Variants in DNER observed in about 807,000 individuals in gnomAD.
DNER encodes the protein delta and Notch-like epidermal growth factor-related receptor.
In DNER, 33 loss-of-function variants were observed where a neutral mutation model predicts 78.2. The ratio of observed to expected loss-of-function variants is 0.42; its 90% CI spans 0.32 to 0.56. The LOEUF is 0.56. Ranked by LOEUF, DNER falls within the 20% of genes least tolerant of loss-of-function variation. The pLI is 0.11. For missense variants in DNER, 918 were observed against 975.3 expected, an observed-to-expected ratio of 0.94 and a Z score of 0.78; for synonymous variants, 417 against 384.8, an observed-to-expected ratio of 1.08 and a Z score of -0.98.
intron 4 of DNER, among the ~76,000 whole-genome samples, chr2:229,552,363 T>C (rs948843299): frequency 1.3e-5 from 2 of 152,176 alleles, no homozygotes; most frequent in Non-Finnish European, 2.9e-5. Flanking sequence ...TGTAGAACCA[T>C]TTGCTTCCTC....
chr2:229,661,847 C>T (rs946544428), intron 1 of DNER, among the ~76,000 whole-genome samples: 2 of 152,158 alleles, frequency 1.3e-5, no homozygotes, highest in South Asian at 2.1e-4. Flanking sequence ...TTTGCCACTT[C>T]ATGGTTTACT....
chr2:229,530,479 C>G (rs576562562), intron 5 of DNER, among the ~76,000 whole-genome samples: 1 of 152,194 alleles, frequency 6.6e-6, no homozygotes, highest in African/African-American at 2.4e-5. Context: ...CCACTTCTGT[C>G]TGAGGACTGA....
At position 229,588,374 on chromosome 2, in the gene DNER, G is replaced by A; in HGVS notation, c.680+20C>T. 1.9e-6 allele frequency: 3 copies of A among 1,610,376 alleles called. No homozygotes were observed. The highest frequency in any genetic ancestry group is 2.5e-6 in the Non-Finnish European group (3 of 1,177,268). ...GTCATAGCATCACTCTTAACAGTTT[G>A]TAACTCAGAATTTTCTTACTTGACT... On this transcript the variant is annotated intron_variant, in intron 3 of 12. Transcript: ENST00000341772.
intron 4 of DNER, among the ~76,000 whole-genome samples, chr2:229,556,133 G>A (rs966852509): frequency 6.6e-6 from 1 of 152,182 alleles, no homozygotes; most frequent in African/African-American, 2.4e-5. Context: ...AAATGAATGT[G>A]TAGTTAAAAA....
chr2:229,603,202 A>C (rs1697866111), intron 1 of DNER, among the ~76,000 whole-genome samples: 2 of 152,342 alleles, frequency 1.3e-5, no homozygotes, highest in South Asian at 4.1e-4. Context: ...TGAAAGGTAA[A>C]AAATTAAACT....
intron 5 of DNER, among the ~76,000 whole-genome samples, chr2:229,522,431 T>G (rs2154212607): frequency 6.6e-6 from 1 of 152,348 alleles, no homozygotes; most frequent in African/African-American, 2.4e-5. Context: ...TGCCGCAACG[T>G]TCTAATCCAT....
At position 229,477,181 on chromosome 2, in the gene DNER, C is replaced by T. The variant is rs1339580791; in HGVS notation, c.1220G>A (p.Cys407Tyr). ...GGTGAATCCACTGAGACTGGAAATG[C>T]ATGTTGCTCCATTTCTGCATGGGTC... ...ILDPCRNGAT[C>Y]ISSLSGFTCQ... The change falls in exon 7 of 13, where the codon TGC becomes TAC. Residue 407 changes from cysteine (C) to tyrosine (Y), a missense_variant. Cys to Tyr is a radical substitution (Grantham distance 194). Transcript: ENST00000341772. 6.2e-7 allele frequency: 1 copy of T among 1,613,940 alleles called. No individual in the cohort carries two copies. Among genetic ancestry groups the T allele is most frequent in the East Asian group, 2.2e-5 (1 of 44,864 alleles).
At chr2:229,639,358 G>A (rs1409460641) in intron 1 of DNER, among the ~76,000 whole-genome samples, 2 of 152,012 alleles carry the variant, frequency 1.3e-5, no homozygotes, top group Non-Finnish European at 2.9e-5. Context: ...GGGTTCAAGC[G>A]ATTCTCCTGC....
chr2:229,605,746 G>A (rs115802707), intron 1 of DNER, among the ~76,000 whole-genome samples: 2 of 151,556 alleles, frequency 1.3e-5, no homozygotes. Context: ...GCAAAAACTA[G>A]CTGGGCATGG....
chr2:229,650,087 A>AG (rs1698788367), intron 1 of DNER, among the ~76,000 whole-genome samples: 2 of 151,744 alleles, frequency 1.3e-5, no homozygotes, highest in African/African-American at 4.8e-5. Flanking sequence ...AAAAAAAAAA[A>AG]AAAAAGAAAT....
intron 8 of DNER, among the ~76,000 whole-genome samples, chr2:229,440,395 C>T (rs904868321): frequency 6.6e-6 from 1 of 152,168 alleles, no homozygotes; most frequent in Non-Finnish European, 1.5e-5. Context: ...ATCCTCCTCC[C>T]TCCCCTGACT....
chr2:229,414,049 G>A (rs1199592911), intron 9 of DNER, among the ~76,000 whole-genome samples: 1 of 151,918 alleles, frequency 6.6e-6, no homozygotes, highest in Non-Finnish European at 1.5e-5. Context: ...AAAAGCACAG[G>A]ATCATGTGGC....
At chr2:229,483,796 C>T (rs1356367913) in intron 6 of DNER, among the ~76,000 whole-genome samples, 3 of 152,158 alleles carry the variant, frequency 2.0e-5, no homozygotes, top group Non-Finnish European at 2.9e-5. Flanking sequence ...AAGTCACTTG[C>T]TCAGACCTCA....
chr2:229,667,565 T>C (rs1172845771), intron 1 of DNER, among the ~76,000 whole-genome samples: 1 of 152,148 alleles, frequency 6.6e-6, no homozygotes, highest in Non-Finnish European at 1.5e-5. Context: ...GTTCTTGATG[T>C]TTCTTTGGTT....
chr2:229,589,909 CAAA>C (rs34805706), intron 2 of DNER, among the ~76,000 whole-genome samples: 2 of 137,416 alleles, frequency 1.5e-5, no homozygotes. Flanking sequence ...TGTGGTAATA[CAAA>C]AAAAAAAAAA....
At chr2:229,615,064 C>T (rs1369183683) in intron 1 of DNER, among the ~76,000 whole-genome samples, 4 of 152,222 alleles carry the variant, frequency 2.6e-5, no homozygotes, top group Non-Finnish European at 5.9e-5. Context: ...GCTGGTGACA[C>T]CTCCCCACCC....
chr2:229,394,171 T>G (rs546224821), intron 10 of DNER, among the ~76,000 whole-genome samples: 7 of 152,218 alleles, frequency 4.6e-5, no homozygotes, highest in South Asian at 2.1e-4. Context: ...TTCCAGTTTA[T>G]GTACTGTTCC....
chr2:229,446,769 A>G (rs1456584093), intron 8 of DNER, among the ~76,000 whole-genome samples: 2 of 152,250 alleles, frequency 1.3e-5, no homozygotes, highest in Admixed American at 6.5e-5. Context: ...TGGAAATTAA[A>G]TGGTAAAAGT....
At chr2:229,684,512 C>G (rs1699451869) in intron 1 of DNER, among the ~76,000 whole-genome samples, 1 of 152,122 alleles carries the variant, frequency 6.6e-6, no homozygotes, top group African/African-American at 2.4e-5. Context: ...GATGTCTCTG[C>G]TGAGCTCCAG....
Sources: allele counts gnomAD v4.1 joint callset (sites outside exome capture counted in the v4.1 genomes callset), GRCh38; gene constraint gnomAD v4.1.1; transcripts MANE v1.5; gene names NCBI Gene and HGNC (gene_info 2026-07-23, HGNC 2026-07-21).